MYRIP: variants seen among roughly 807,000 people sequenced by gnomAD.
The protein encoded by MYRIP is rab effector MyRIP.
Under a neutral mutation model 98.0 loss-of-function variants are expected in MYRIP, and 49 were observed. The observed-to-expected ratio is 0.50, with a 90% CI of 0.40 to 0.63. The LOEUF is 0.63. Ranked by LOEUF, MYRIP falls within the 30% of genes least tolerant of loss-of-function variation. The pLI is 0.00. For synonymous variants in MYRIP, 404 were observed against 409.5 expected, an observed-to-expected ratio of 0.99 and a Z score of 0.16; for missense variants, 1,004 against 1,058.2, an observed-to-expected ratio of 0.95 and a Z score of 0.71.
At chr3:40,067,431 G>A (rs1358447984) in intron 3 of MYRIP, among the ~76,000 whole-genome samples, 1 of 152,078 alleles carries the variant, frequency 6.6e-6, no homozygotes, top group East Asian at 1.9e-4. Flanking sequence ...ACAATGACTG[G>A]GGTTACTACT....
chr3:39,927,339 T>C (rs1199970244), intron 2 of MYRIP, among the ~76,000 whole-genome samples: 1 of 152,046 alleles, frequency 6.6e-6, no homozygotes, highest in Non-Finnish European at 1.5e-5. Flanking sequence ...CTGATTGCTC[T>C]GGCTAGGGCT....
intron 11 of MYRIP, among the ~76,000 whole-genome samples, chr3:40,220,278 T>A (rs1410926214): frequency 3.9e-5 from 6 of 152,168 alleles, no homozygotes; most frequent in Non-Finnish European, 5.9e-5. Flanking sequence ...TCTCCCATTT[T>A]GTAGGTTGCC....
intron 1 of MYRIP, among the ~76,000 whole-genome samples, chr3:39,881,890 T>C (rs1260167246): frequency 2.0e-5 from 3 of 152,140 alleles, no homozygotes; most frequent in Non-Finnish European, 4.4e-5. Context: ...ATTCTTCTTC[T>C]TCTTGTCTTT....
intron 1 of MYRIP, among the ~76,000 whole-genome samples, chr3:39,872,469 T>A (rs1275646582): frequency 1.3e-5 from 2 of 151,342 alleles, no homozygotes; most frequent in East Asian, 3.9e-4. Flanking sequence ...TTATATCTCC[T>A]AATGCTATCC....
intron 2 of MYRIP, among the ~76,000 whole-genome samples, chr3:40,034,966 C>T (rs1295661121): frequency 6.6e-6 from 1 of 150,496 alleles, no homozygotes; most frequent in African/African-American, 2.5e-5. Context: ...AGTAAACTAT[C>T]GCACAGACAA....
chr3:39,842,262 G>A (rs1018352643), intron 1 of MYRIP, among the ~76,000 whole-genome samples: 27 of 152,142 alleles, frequency 1.8e-4, no homozygotes, highest in African/African-American at 6.5e-4. Context: ...TATACTGTAA[G>A]GGGAAAACCA....
chr3:39,817,340 A>G (rs1310448072), intron 1 of MYRIP, among the ~76,000 whole-genome samples: 1 of 152,214 alleles, frequency 6.6e-6, no homozygotes, highest in African/African-American at 2.4e-5. Flanking sequence ...ATTTTGCTCA[A>G]AAGTGATACT....
chr3:40,170,882 G>C (rs900317807), intron 8 of MYRIP, among the ~76,000 whole-genome samples: 1 of 152,210 alleles, frequency 6.6e-6, no homozygotes, highest in South Asian at 2.1e-4. Flanking sequence ...CCCCACTAGG[G>C]GTCTAGTGGC....
intron 1 of MYRIP, among the ~76,000 whole-genome samples, chr3:39,888,530 A>C (rs1463218647): frequency 2.0e-5 from 3 of 152,230 alleles, no homozygotes; most frequent in African/African-American, 7.2e-5. Context: ...AAATCAATTC[A>C]AGATGGATTA....
At chr3:39,993,093 C>A (rs115478440) in intron 2 of MYRIP, among the ~76,000 whole-genome samples, 42 of 152,154 alleles carry the variant, frequency 2.8e-4, no homozygotes, top group African/African-American at 9.9e-4. Flanking sequence ...TATGGCCAGT[C>A]CAAGATTGAG....
intron 1 of MYRIP, among the ~76,000 whole-genome samples, chr3:39,873,855 G>T (rs1270324781): frequency 6.6e-6 from 1 of 152,098 alleles, no homozygotes; most frequent in Non-Finnish European, 1.5e-5. Context: ...CTTTAAAGTA[G>T]TTTTTTCTAA....
chr3:40,242,917 A>T (rs1953069971), intron 12 of MYRIP, among the ~76,000 whole-genome samples: 1 of 152,106 alleles, frequency 6.6e-6, no homozygotes, highest in Non-Finnish European at 1.5e-5. Flanking sequence ...TATTTGAATA[A>T]TTTCTTCACT....
intron 2 of MYRIP, among the ~76,000 whole-genome samples, chr3:40,019,341 G>T (rs1427516612): frequency 6.6e-6 from 1 of 152,110 alleles, no homozygotes; most frequent in Non-Finnish European, 1.5e-5. Context: ...GTTCAGTTAT[G>T]TATCTGTACC....
chr3:39,931,620 A>C (rs1944539090), intron 2 of MYRIP, among the ~76,000 whole-genome samples: 1 of 152,204 alleles, frequency 6.6e-6, no homozygotes, highest in Non-Finnish European at 1.5e-5. Context: ...TTCAGTCTTT[A>C]TTCATGAACT....
intron 10 of MYRIP, among the ~76,000 whole-genome samples, chr3:40,196,468 C>T (rs1233761886): frequency 6.6e-6 from 1 of 152,078 alleles, no homozygotes; most frequent in African/African-American, 2.4e-5. Context: ...GCATTTTAAT[C>T]AAATTAAGTT....
rs1334593498 is a variant in MYRIP, at chr3:39,900,941, T to C, written c.110+15T>C. The C allele has an allele frequency of 6.3e-7, 1 of 1,598,684 alleles. No homozygotes were observed. The highest frequency in any genetic ancestry group is 1.3e-5 in the African/African-American group (1 of 74,674). ...GAACGACTAAGGTGAGATGCCTGTT[T>C]TGCTCAGCAGCGTACAGCAAACCAC... On this transcript the variant is annotated intron_variant, in intron 2 of 16. Transcript: ENST00000302541.
intron 2 of MYRIP, among the ~76,000 whole-genome samples, chr3:39,950,745 A>C (rs1209129754): frequency 6.6e-6 from 1 of 152,194 alleles, no homozygotes; most frequent in Admixed American, 6.6e-5. Flanking sequence ...CCAGCTTGAT[A>C]ACGGATGCTA....
chr3:40,219,619 A>G (rs2125681740), intron 11 of MYRIP, among the ~76,000 whole-genome samples: 1 of 152,208 alleles, frequency 6.6e-6, no homozygotes, highest in East Asian at 1.9e-4. Flanking sequence ...TTTGCTCAGA[A>G]TGATGGTTTC....
chr3:39,954,678 G>A (rs556058184), intron 2 of MYRIP, among the ~76,000 whole-genome samples: 22 of 152,234 alleles, frequency 1.4e-4, no homozygotes, highest in Admixed American at 8.5e-4. Context: ...TGCTTCTGAC[G>A]AGTTGACAGA....
Sources: gnomAD v4.1 joint callset for allele counts (sites outside exome capture counted in the v4.1 genomes callset) on GRCh38, gnomAD v4.1.1 for gene constraint, MANE v1.5 for transcripts, NCBI Gene and HGNC (gene_info 2026-07-23, HGNC 2026-07-21) for gene names.